Variants in PI4K2A observed in about 807,000 individuals in gnomAD.
The protein encoded by PI4K2A is phosphatidylinositol 4-kinase type 2 alpha.
A neutral mutation model predicts 55.0 loss-of-function variants in PI4K2A; 20 were observed. The observed-to-expected ratio is 0.36, with a 90% CI of 0.26 to 0.53. PI4K2A has a LOEUF of 0.53. Ranked by LOEUF, PI4K2A falls within the 20% of genes least tolerant of loss-of-function variation. The pLI is 0.91. For missense variants in PI4K2A, 463 were observed against 637.1 expected, an observed-to-expected ratio of 0.73 and a Z score of 2.94; for synonymous variants, 235 against 258.5, an observed-to-expected ratio of 0.91 and a Z score of 0.87.
At chr10:97,665,636 A>G (rs577441799) in intron 6 of PI4K2A, among the ~76,000 whole-genome samples, 97 of 149,296 alleles carry the variant, frequency 6.5e-4, no homozygotes, top group African/African-American at 2.3e-3. Context: ...CCTGTCGCCC[A>G]GGCTGGAGTG....
chr10:97,653,472 T>C (rs1466348646), intron 2 of PI4K2A, among the ~76,000 whole-genome samples: 1 of 152,242 alleles, frequency 6.6e-6, no homozygotes, highest in African/African-American at 2.4e-5. Flanking sequence ...ACCCTCCATA[T>C]GTTAGCCTGT....
rs539173055 is a variant in PI4K2A, at chr10:97,671,744, A to G, written c.1279-1837A>G. Among the ~76,000 whole-genome samples, 163 of 152,150 alleles carry G rather than the reference A, an allele frequency of 1.1e-3. 1 individual carries two copies. The Middle Eastern group carries it at 0.014, about 13-fold the overall frequency. ...AACCTCCGCCTCCCGGGTTCACGTG[A>G]TTCTCCCTCCTCAGCCTCCCCAGTA... is the stretch of plus-strand genomic sequence containing the variant. On this transcript the variant is annotated intron_variant, in intron 8 of 8. Transcript: ENST00000370631.
At chr10:97,662,838 C>CT in intron 4 of PI4K2A, 69 bp from the exon 5 acceptor site, 1 of 907,570 alleles carries the variant, frequency 1.1e-6, no homozygotes, top group Admixed American at 1.7e-5. Flanking sequence ...TCCAGAATAC[C>CT]TAGTCCACCA....
At chr10:97,663,076 G>A (rs2041593806) in intron 5 of PI4K2A, 108 bp downstream of exon 5, 1 of 766,726 alleles carries the variant, frequency 1.3e-6, no homozygotes, top group Admixed American at 2.0e-5. Context: ...GAATCGGGGG[G>A]CGCATATGTT....
At chr10:97,641,174 G>C (rs886709504) in exon 1 of PI4K2A, 1 of 1,601,818 alleles carries the variant, frequency 6.2e-7, no homozygotes, top group South Asian at 1.1e-5. Flanking sequence ...AGGACCCTCA[G>C]GGGGTGAGTG....
chr10:97,670,495 C>A (rs1026799778), intron 8 of PI4K2A, among the ~76,000 whole-genome samples: 1 of 152,108 alleles, frequency 6.6e-6, no homozygotes, highest in Non-Finnish European at 1.5e-5. Flanking sequence ...CCTAGATATT[C>A]TTTTTTGCCA....
chr10:97,657,493 C>CT (rs2041560503), intron 4 of PI4K2A, among the ~76,000 whole-genome samples: 1 of 151,876 alleles, frequency 6.6e-6, no homozygotes, highest in South Asian at 2.1e-4. Flanking sequence ...CATGGTGAAA[C>CT]CCTGTCTCTA....
rs573238218 is a variant in PI4K2A at position 97,664,787 on chromosome 10, C to A, written c.985-98C>A. On this transcript the variant is annotated intron_variant, in intron 5 of 8. Transcript: ENST00000370631. ...GCTCAAGATAAGTTCAATAAGAATT[C>A]TTCTCTTGAGGGAGTTGGGATGAGT... The A allele has an allele frequency of 4.0e-6, 3 of 747,412 alleles. No homozygotes were observed. In the African/African-American group the frequency reaches 5.2e-5, roughly 13 times the overall value. The allele number at this position is 747,412 out of a possible 1,614,324, so 46.3% of individuals were successfully genotyped here.
At chr10:97,651,039 C>T in exon 2 of PI4K2A, 1 of 1,614,062 alleles carries the variant, frequency 6.2e-7, no homozygotes, top group Non-Finnish European at 8.5e-7. Context: ...GTCCTTGCTG[C>T]TTTGGCCGTG....
chr10:97,666,348 TC>T, intron 6 of PI4K2A, 89 bp from the exon 7 acceptor site: 1 of 1,179,732 alleles, frequency 8.5e-7, no homozygotes, highest in Non-Finnish European at 1.2e-6. Context: ...AGAGGGGTTC[TC>T]CTTTAGAAAG....
chr10:97,645,247 A>G (rs1306017451), intron 1 of PI4K2A, among the ~76,000 whole-genome samples: 1 of 152,118 alleles, frequency 6.6e-6, no homozygotes, highest in East Asian at 1.9e-4. Context: ...GCTCAATCAG[A>G]TTTTTAAAAA....
Position 97,650,990 on chromosome 10 carries a change from T to G in PI4K2A, c.485T>G (p.Leu162Arg). 5.0e-6 allele frequency: 8 copies of G among 1,614,102 alleles called. No individual in the cohort carries two copies. Among genetic ancestry groups the G allele is most frequent in the Non-Finnish European group, 6.8e-6 (8 of 1,179,906 alleles). ...AAGAATGAAGAGCCCTATGGGCATCTTAATCCTAAGTGGACCAAGTGGCTG... is the reference window on the plus strand; with the variant it reads ...AAGAATGAAGAGCCCTATGGGCATCGTAATCCTAAGTGGACCAAGTGGCTG... The change falls in exon 2 of 9, where the codon CTT (leucine) becomes CGT (arginine). Residue 162 changes from leucine to arginine, a missense_variant. Transcript: ENST00000370631.
Position 97,667,190 on chromosome 10 carries a change from G to A in PI4K2A, c.1278+70G>A, listed in dbSNP as rs369164888. 5.2e-6 allele frequency: 6 copies of A among 1,155,716 alleles called. No homozygotes were observed. The African/African-American group carries it at 7.8e-5, about 15-fold the overall frequency. The allele number at this position is 1,155,716 out of a possible 1,614,324, so 71.6% of individuals were successfully genotyped here. A position where few individuals can be genotyped will look rare whatever the true frequency, so the allele number is the denominator to read the frequency against. On this transcript the variant is annotated intron_variant, in intron 8 of 8. Transcript: ENST00000370631. ...TGTTGTGTGCTCAGGTTGAGCAAAT[G>A]TTTGAAGTTTGTGTTTTATACCCCC... is the stretch of plus-strand genomic sequence containing the variant.
At chr10:97,654,487 A>T (rs2041543328) in intron 2 of PI4K2A, among the ~76,000 whole-genome samples, 1 of 152,170 alleles carries the variant, frequency 6.6e-6, no homozygotes, top group African/African-American at 2.4e-5. Flanking sequence ...AAAAATAGTT[A>T]TTTGTAATAA....
intron 8 of PI4K2A, among the ~76,000 whole-genome samples, chr10:97,667,725 C>T (rs996505565): frequency 1.3e-5 from 2 of 152,142 alleles, no homozygotes; most frequent in Non-Finnish European, 2.9e-5. Context: ...TCAAGGCAGG[C>T]TGTATGTTTT....
intron 1 of PI4K2A, among the ~76,000 whole-genome samples, chr10:97,649,607 AGATTTTTTTTTTT>A (rs2041520803): frequency 9.8e-6 from 1 of 102,382 alleles, no homozygotes; most frequent in African/African-American, 3.3e-5. Flanking sequence ...ATTCCATAAT[AGATTTTTTTTTTT>A]TTTTTTTTTT....
At chr10:97,657,061 G>T in intron 4 of PI4K2A, 87 bp downstream of exon 4, 1 of 1,342,838 alleles carries the variant, frequency 7.4e-7, no homozygotes, top group South Asian at 1.2e-5. Context: ...TTGGGAGTCA[G>T]AGTACCTTGT....
intron 4 of PI4K2A, among the ~76,000 whole-genome samples, chr10:97,658,166 C>G (rs2041564143): frequency 6.6e-6 from 1 of 152,140 alleles, no homozygotes; most frequent in Non-Finnish European, 1.5e-5. Context: ...AACTGAAGCT[C>G]TATACTCATT....
chr10:97,671,244 A>G (rs1192428319), intron 8 of PI4K2A, among the ~76,000 whole-genome samples: 1 of 152,202 alleles, frequency 6.6e-6, no homozygotes, highest in Non-Finnish European at 1.5e-5. Flanking sequence ...AAAGAGGAGA[A>G]ACTGTGTCCT....
Sources: allele counts gnomAD v4.1 joint callset (sites outside exome capture counted in the v4.1 genomes callset), GRCh38; gene constraint gnomAD v4.1.1; transcripts MANE v1.5; gene names NCBI Gene and HGNC (gene_info 2026-07-23, HGNC 2026-07-21).